Variants in MAPK8 observed in about 807,000 individuals in gnomAD.
MAPK8 encodes mitogen-activated protein kinase 8.
In MAPK8, 13 loss-of-function variants were observed where a neutral mutation model predicts 52.9. The observed-to-expected ratio is 0.25, with a 90% CI of 0.16 to 0.39. The LOEUF (loss-of-function observed/expected upper bound fraction) is 0.39. Among genes scored for constraint, MAPK8 ranks in the 10% least tolerant of loss-of-function variants. The pLI, the probability that MAPK8 is intolerant of heterozygous loss-of-function variation, is 1.00. For missense variants in MAPK8, 300 were observed against 519.2 expected (o/e 0.58, Z 4.10); for synonymous variants, 191 against 169.8 (o/e 1.12, Z -0.97).
chr10:48,358,353 AGTC>A (rs1315394186), intron 1 of MAPK8, among the ~76,000 whole-genome samples: 1 of 152,222 alleles, frequency 6.6e-6, no homozygotes, highest in Non-Finnish European at 1.5e-5. Context: ...TTATATTAGT[AGTC>A]ATCATAGTGG....
intron 1 of MAPK8, among the ~76,000 whole-genome samples, chr10:48,353,711 A>G (rs1846559584): frequency 6.6e-6 from 1 of 152,384 alleles, no homozygotes; most frequent in East Asian, 1.9e-4. Flanking sequence ...TGTGATGTAT[A>G]TGCAACTAAT....
At chr10:48,361,222 T>A (rs1847492683) in intron 1 of MAPK8, among the ~76,000 whole-genome samples, 2 of 152,218 alleles carry the variant, frequency 1.3e-5, no homozygotes, top group South Asian at 4.1e-4. Context: ...ATATTACCCC[T>A]GATCACATTA....
chr10:48,414,958 A>T (rs1398614429), intron 5 of MAPK8, among the ~76,000 whole-genome samples: 1 of 152,006 alleles, frequency 6.6e-6, no homozygotes, highest in Non-Finnish European at 1.5e-5. Flanking sequence ...AACCTTACTC[A>T]TGTAATAAAA....
intron 1 of MAPK8, among the ~76,000 whole-genome samples, chr10:48,356,876 A>AAAAAAAAAAAAAAAAC (rs1847013372): frequency 7.5e-6 from 1 of 133,826 alleles, no homozygotes; most frequent in Non-Finnish European, 1.6e-5. Flanking sequence ...AAAAAAAAAA[A>AAAAAAAAAAAAAAAAC]AAAATCCAAC....
intron 1 of MAPK8, among the ~76,000 whole-genome samples, chr10:48,397,375 C>T (rs560742763): frequency 2.8e-4 from 42 of 151,630 alleles, no homozygotes; most frequent in Non-Finnish European, 5.9e-5. Context: ...AGGCTGGTCT[C>T]GAACTCCTGG....
intron 1 of MAPK8, among the ~76,000 whole-genome samples, chr10:48,372,492 A>G (rs1169921066): frequency 6.6e-6 from 1 of 152,152 alleles, no homozygotes; most frequent in African/African-American, 2.4e-5. Flanking sequence ...GGTTAGACAA[A>G]TTGCTAACTA....
intron 11 of MAPK8, among the ~76,000 whole-genome samples, chr10:48,433,591 G>A (rs753357150): frequency 7.9e-5 from 12 of 152,028 alleles, no homozygotes; most frequent in Admixed American, 3.3e-4. Context: ...TTTCTCTTCC[G>A]TTTCAGCTCC....
At chr10:48,342,820 A>G (rs1158537645) in intron 1 of MAPK8, among the ~76,000 whole-genome samples, 1 of 152,212 alleles carries the variant, frequency 6.6e-6, no homozygotes. Context: ...TGGAAATGTC[A>G]TGTAGGCATT....
In MAPK8 at chr10:48,426,266, T is replaced by G. The variant is rs1178256016; in HGVS notation, c.872-114T>G. On this transcript the variant is annotated intron_variant, in intron 8 of 11. Transcript: ENST00000374189. ...TTTTAATCATATGTATAAGATAATT[T>G]TACAGTAATATTTTTAAAACATATG... 3.2e-6 allele frequency: 3 copies of G among 949,332 alleles called. No homozygotes were observed. In the Admixed American group the frequency reaches 9.9e-5, roughly 31 times the overall value. 58.8% of individuals were successfully genotyped at this position (949,332 alleles called of 1,614,324 possible).
intron 1 of MAPK8, among the ~76,000 whole-genome samples, chr10:48,393,189 A>G (rs533910359): frequency 1.4e-5 from 2 of 144,596 alleles, no homozygotes; most frequent in South Asian, 2.2e-4. Context: ...TACAGTGACA[A>G]CTCCTACATT....
intron 1 of MAPK8, among the ~76,000 whole-genome samples, chr10:48,315,242 T>C (rs748786379): frequency 4.6e-5 from 7 of 152,250 alleles, no homozygotes; most frequent in Non-Finnish European, 1.0e-4. Context: ...TGGAATCACT[T>C]TTTTTATTTT....
At chr10:48,418,979 A>G (rs2043206310) in intron 5 of MAPK8, among the ~76,000 whole-genome samples, 1 of 152,214 alleles carries the variant, frequency 6.6e-6, no homozygotes, top group African/African-American at 2.4e-5. Flanking sequence ...ATTCTTAAAC[A>G]TGCAGTGTTT....
intron 1 of MAPK8, among the ~76,000 whole-genome samples, chr10:48,355,993 G>A (rs1331215599): frequency 2.0e-5 from 3 of 152,204 alleles, no homozygotes; most frequent in East Asian, 3.9e-4. Flanking sequence ...AAATTCATAC[G>A]TTTCTTGCAG....
intron 7 of MAPK8, chr10:48,424,585 C>G (rs576809977): frequency 7.6e-6 from 12 of 1,575,832 alleles, no homozygotes; most frequent in Non-Finnish European, 1.0e-5. Context: ...AGGTACAGAT[C>G]GTATCCTTAT....
intron 1 of MAPK8, among the ~76,000 whole-genome samples, chr10:48,362,325 G>T (rs773716080): frequency 2.6e-5 from 4 of 152,044 alleles, no homozygotes; most frequent in Non-Finnish European, 5.9e-5. Flanking sequence ...TAGCCTCAAA[G>T]ATATCTGTAG....
chr10:48,434,973 T>A lies in MAPK8; in HGVS notation c.1228T>A (p.Ser410Thr). 1.2e-6 allele frequency: 2 copies of A among 1,611,686 alleles called. No individual in the cohort carries two copies. The highest frequency in any genetic ancestry group is 1.7e-6 in the Non-Finnish European group (2 of 1,179,140). The change falls in exon 12 of 12, where the codon TCT becomes ACT. Residue 410 changes from serine to threonine, a missense_variant. Physicochemically the swap from Ser to Thr is moderately conservative, Grantham distance 58. Transcript: ENST00000374189. The stretch of plus-strand genomic sequence containing the variant: ...AATGTCAACAGATCCGACTTTGGCC[T>A]CTGATACAGACAGCAGTCTAGAAGC... Reference protein sequence around the residue: ...SSMSTDPTLASDTDSSLEAAA... With the variant: ...SSMSTDPTLATDTDSSLEAAA...
chr10:48,434,828 T>C (rs759058004), intron 11 of MAPK8, 56 bp from the exon 12 acceptor site: 2 of 1,502,576 alleles, frequency 1.3e-6, no homozygotes, highest in Admixed American at 3.8e-5. Context: ...GCAGTGCAAG[T>C]AGCTTGATCT....
At chr10:48,388,626 C>T (rs2041452161) in intron 1 of MAPK8, among the ~76,000 whole-genome samples, 1 of 152,046 alleles carries the variant, frequency 6.6e-6, no homozygotes, top group South Asian at 2.1e-4. Context: ...AGAAGATAAC[C>T]CACACTCTTA....
At chr10:48,312,949 A>G (rs1842112852) in intron 1 of MAPK8, among the ~76,000 whole-genome samples, 1 of 152,244 alleles carries the variant, frequency 6.6e-6, no homozygotes, top group Non-Finnish European at 1.5e-5. Flanking sequence ...TCCTGTGAAT[A>G]CTTCCAAAGA....
Sources: gnomAD v4.1 joint callset for allele counts (sites outside exome capture counted in the v4.1 genomes callset) on GRCh38, gnomAD v4.1.1 for gene constraint, MANE v1.5 for transcripts, NCBI Gene and HGNC (gene_info 2026-07-23, HGNC 2026-07-21) for gene names.